DNAH1: variants seen among roughly 807,000 people sequenced by gnomAD.
DNAH1 encodes axonemal beta dynein heavy chain 1.
DNAH1 carries 327 observed loss-of-function variants against 484.3 expected under a neutral mutation model. That is an observed-to-expected ratio of 0.68 (90% CI 0.62 to 0.74). The LOEUF (loss-of-function observed/expected upper bound fraction) is 0.74. Ranked by LOEUF, DNAH1 falls within the 30% of genes least tolerant of loss-of-function variation. The pLI is 0.00. For missense variants in DNAH1, 5,052 were observed against 5,546.8 expected (o/e 0.91, Z 2.83); for synonymous variants, 2,192 against 2,191.9 (o/e 1.00, Z 0.00).
chr3:52,324,873 G>A (rs1426284509), intron 3 of DNAH1, among the ~76,000 whole-genome samples: 6 of 152,268 alleles, frequency 3.9e-5, no homozygotes, highest in Non-Finnish European at 7.3e-5. Context: ...GCACAGGGTA[G>A]TGTCAATCAG....
intron 23 of DNAH1, 48 bp downstream of exon 23, chr3:52,357,783 G>C: frequency 6.4e-7 from 1 of 1,573,052 alleles, no homozygotes; most frequent in Non-Finnish European, 8.6e-7. Flanking sequence ...TGCCCACAAG[G>C]CTGAGGTGTC....
At chr3:52,333,370 T>G (rs1266591761) in intron 8 of DNAH1, among the ~76,000 whole-genome samples, 1 of 150,606 alleles carries the variant, frequency 6.6e-6, no homozygotes, top group Non-Finnish European at 1.5e-5. Context: ...TTTCTTTTCC[T>G]TTTCTTTTCT....
At chr3:52,399,873 C>A in intron 77 of DNAH1, 94 bp downstream of exon 77, 1 of 1,291,540 alleles carries the variant, frequency 7.7e-7, no homozygotes, top group Non-Finnish European at 1.1e-6. Flanking sequence ...GTTAGCTGAA[C>A]AAGGAAGGAC....
rs1578107805 is a variant in DNAH1, at chr3:52,344,720, A to G, written c.1444+73A>G. On this transcript the variant is annotated intron_variant, in intron 9 of 77. Transcript: ENST00000420323. ...AGAGCCCCCTCCCACCTTCCCCTCC[A>G]GGATTGTCTGCCCTGCCATTGTGGG... 6 of 1,496,514 alleles carry G rather than the reference A, an allele frequency of 4.0e-6. No homozygotes were observed. In the East Asian group the frequency reaches 1.4e-4, roughly 36 times the overall value. The allele number at this position is 1,496,514 out of a possible 1,614,324, so 92.7% of individuals were successfully genotyped here. A position where few individuals can be genotyped will look rare whatever the true frequency, so the allele number is the denominator to read the frequency against.
intron 39 of DNAH1, 94 bp from the exon 40 acceptor site, chr3:52,370,381 CTG>C: frequency 6.4e-7 from 1 of 1,572,336 alleles, no homozygotes; most frequent in Non-Finnish European, 8.7e-7. Flanking sequence ...AGAAACAAAG[CTG>C]TGTAGCAGAG....
At position 52,379,937 on chromosome 3, in the gene DNAH1, C is replaced by T. The variant is rs376198165; in HGVS notation, c.7410C>T (p.His2470=). 204 of 1,573,542 alleles carry T rather than the reference C, an allele frequency of 1.3e-4. 4 individuals carry two copies. The Middle Eastern group carries it at 1.8e-3, about 14-fold the overall frequency. The part of the protein sequence containing the change: ...DQVQLLRLWY[H]ENCRVFRDRL... ...TGCAGCTGCTGCGACTGTGGTATCACGAGAACTGCCGCGTGTTCCGGGACC... is the reference window on the plus strand; with the variant it reads ...TGCAGCTGCTGCGACTGTGGTATCATGAGAACTGCCGCGTGTTCCGGGACC... Residue 2470 remains histidine, a synonymous_variant, in exon 48 of 78, where the codon CAC becomes CAT. Coordinates refer to ENST00000420323, the MANE Select transcript of DNAH1 (RefSeq NM_015512.5). The surrounding 1 kb of genome is among the most constrained non-coding windows in gnomAD (Gnocchi z 4.4).
At chr3:52,313,714 T>A (rs781665719), upstream of DNAH1, among the ~76,000 whole-genome samples, 1 of 152,150 alleles carries the variant, frequency 6.6e-6, no homozygotes, top group Non-Finnish European at 1.5e-5. Context: ...AACCCTTCCT[T>A]ACTGACCTGC....
chr3:52,343,535 C>G (rs1158989212), intron 8 of DNAH1, among the ~76,000 whole-genome samples: 1 of 152,012 alleles, frequency 6.6e-6, no homozygotes, highest in South Asian at 2.1e-4. Context: ...TTCCAGGTTC[C>G]GAGGGAGTGA....
chr3:52,319,675 C>A (rs1701073251), intron 1 of DNAH1, among the ~76,000 whole-genome samples: 2 of 152,244 alleles, frequency 1.3e-5, no homozygotes, highest in South Asian at 4.1e-4. Flanking sequence ...CAGGCAGAGA[C>A]TGCTGTCACC....
intron 32 of DNAH1, 66 bp downstream of exon 32, chr3:52,363,210 A>T (rs1243272616): frequency 1.3e-6 from 2 of 1,591,548 alleles, no homozygotes; most frequent in Non-Finnish European, 1.7e-6. Flanking sequence ...CCTCCAGGGC[A>T]CCTGCTGAGG....
chr3:52,363,273 GCAACC>G, intron 32 of DNAH1, 129 bp downstream of exon 32: 1 of 1,247,878 alleles, frequency 8.0e-7, no homozygotes, highest in Non-Finnish European at 1.1e-6. Context: ...GCTTCTCCCA[GCAACC>G]CTTGGAGATA....
rs1372458927 is a variant in DNAH1 at position 52,367,853 on chromosome 3, G to A, written c.5766-888G>A. 3.9e-5 allele frequency among the ~76,000 whole-genome samples: 6 copies of A among 152,230 alleles called. No individual in the cohort carries two copies. The South Asian group carries it at 6.2e-4, about 16-fold the overall frequency. On this transcript the variant is annotated intron_variant, in intron 36 of 77. Transcript: ENST00000420323. ...CTCCCAAAGTGCTGGGATTACAGGC[G>A]TGAGCCACTGCACCCAGCCCTCAAT... is the stretch of plus-strand genomic sequence containing the variant.
chr3:52,370,906 C>A, intron 41 of DNAH1, 81 bp downstream of exon 41: 1 of 1,395,182 alleles, frequency 7.2e-7, no homozygotes, highest in Non-Finnish European at 9.9e-7. Context: ...TATGGCCACA[C>A]AGGGAGCCGT....
In DNAH1 at chr3:52,364,885, A is replaced by G. The variant is rs1578147447; in HGVS notation, c.5384A>G (p.Gln1795Arg). 1 of 1,613,988 alleles carries G rather than the reference A, an allele frequency of 6.2e-7. No homozygotes were observed. Among genetic ancestry groups the G allele is most frequent in the Non-Finnish European group, 8.5e-7 (1 of 1,179,862 alleles). ...IRDVNVPKFLQEDLKLFSGIV... is the reference protein window; with the variant it reads ...IRDVNVPKFLREDLKLFSGIV... ...GATGTGAACGTGCCCAAGTTCCTGC[A>G]GGAGGACCTCAAGCTCTTCTCTGGC... The change falls in exon 34 of 78, where the codon CAG (glutamine) becomes CGG (arginine). Residue 1795 changes from glutamine to arginine, a missense_variant. Gln to Arg is a conservative substitution (Grantham distance 43, BLOSUM62 1). Around this residue, in one of 4 missense-constraint regions of DNAH1, gnomAD observed 2,929 missense variants for 3,409.4 expected, o/e 0.86. Coordinates refer to ENST00000420323, the MANE Select transcript of DNAH1 (RefSeq NM_015512.5). The surrounding 1 kb of genome is among the most constrained non-coding windows in gnomAD (Gnocchi z 4.2).
intron 32 of DNAH1, among the ~76,000 whole-genome samples, chr3:52,363,699 G>C (rs1702957203): frequency 6.6e-6 from 1 of 152,210 alleles, no homozygotes; most frequent in East Asian, 1.9e-4. Context: ...TGACATGCTA[G>C]CAACTTAGTT....
chr3:52,366,087 A>G (rs1703062173), intron 34 of DNAH1, among the ~76,000 whole-genome samples: 1 of 152,100 alleles, frequency 6.6e-6, no homozygotes, highest in African/African-American at 2.4e-5. Context: ...TGTCTCTAGG[A>G]GTTTGCTCAT....
At chr3:52,375,140 T>C (rs1213380535) in intron 44 of DNAH1, 100 bp from the exon 45 acceptor site, 1 of 1,333,598 alleles carries the variant, frequency 7.5e-7, no homozygotes, top group Non-Finnish European at 1.0e-6. Flanking sequence ...TCCAGTACTG[T>C]TCTAAAGTAT....
intron 54 of DNAH1, 114 bp from the exon 55 acceptor site, chr3:52,386,046 C>A: frequency 8.1e-7 from 1 of 1,240,672 alleles, no homozygotes; most frequent in Non-Finnish European, 1.1e-6. Context: ...TCTGGCCTGT[C>A]ACAGCTGGAG....
At chr3:52,317,030 G>A (rs543640781) in intron 1 of DNAH1, among the ~76,000 whole-genome samples, 33 of 152,210 alleles carry the variant, frequency 2.2e-4, no homozygotes, top group African/African-American at 7.5e-4. Context: ...TTCCCTAATT[G>A]TTATATTGCA....
Sources: allele counts gnomAD v4.1 joint callset (sites outside exome capture counted in the v4.1 genomes callset), GRCh38; gene constraint gnomAD v4.1.1; regional missense constraint gnomAD v4.1.1; non-coding constraint Gnocchi (gnomAD v3.1); transcripts MANE v1.5; gene names NCBI Gene and HGNC (gene_info 2026-07-23, HGNC 2026-07-21).